The following RNFT2 variants were observed in gnomAD, a reference collection of about 807,000 sequenced individuals.
RNFT2 encodes E3 ubiquitin-protein ligase RNFT2.
In RNFT2, 36 loss-of-function variants were observed where a neutral mutation model predicts 53.0. That is an observed-to-expected ratio of 0.68 (90% CI 0.52 to 0.90). The LOEUF is 0.90. Among genes scored for constraint, RNFT2 ranks in the 40% least tolerant of loss-of-function variants. RNFT2 has a pLI of 0.00. For missense variants in RNFT2, 514 were observed against 585.6 expected (o/e 0.88, Z 1.26); for synonymous variants, 260 against 253.2 (o/e 1.03, Z -0.26).
intron 2 of RNFT2, 179 bp downstream of exon 2, chr12:116,740,700 A>G: frequency 6.0e-6 from 4 of 666,586 alleles, no homozygotes; most frequent in Admixed American, 4.3e-5. Flanking sequence ...ATCAACCCAG[A>G]ATCCATGTCT....
Position 116,833,664 on chromosome 12 carries a change from T to C in RNFT2, c.883-128T>C, listed in dbSNP as rs967722876. 1.2e-5 allele frequency: 11 copies of C among 933,718 alleles called. No individual in the cohort carries two copies. The African/African-American group carries it at 1.9e-4, about 16-fold the overall frequency. The allele number at this position is 933,718 out of a possible 1,614,324, so 57.8% of individuals were successfully genotyped here. ...CCCCATTAGGAGCTGGCCTGAGTGC[T>C]TTCCAGAGCTGATTAATGGCCTGCC... On this transcript the variant is annotated intron_variant, in intron 7 of 10. Coordinates refer to ENST00000257575, the MANE Select transcript of RNFT2 (RefSeq NM_001382266.1).
chr12:116,805,315 A>G (rs930099894), intron 7 of RNFT2, among the ~76,000 whole-genome samples: 13 of 152,046 alleles, frequency 8.6e-5, no homozygotes, highest in Admixed American at 1.3e-4. Context: ...CCTGTAACAG[A>G]CAAGGTTCGC....
chr12:116,748,673 G>T (rs1406716646), intron 3 of RNFT2: 4 of 452,368 alleles, frequency 8.8e-6, no homozygotes, highest in South Asian at 1.6e-5. Flanking sequence ...TGTGACCAAG[G>T]CTGGCCCCTC....
At chr12:116,840,030 C>G (rs538378963) in intron 10 of RNFT2, among the ~76,000 whole-genome samples, 18 of 152,212 alleles carry the variant, frequency 1.2e-4, no homozygotes, top group Admixed American at 3.9e-4. Flanking sequence ...CTACAGGGAG[C>G]CAGGGAAAGG....
chr12:116,768,738 T>TC (rs1873032905), intron 6 of RNFT2, among the ~76,000 whole-genome samples: 1 of 132,652 alleles, frequency 7.5e-6, no homozygotes. Context: ...TTCTCTCTCT[T>TC]TTTTTTTTTT....
chr12:116,832,239 C>A (rs184335399), intron 7 of RNFT2, among the ~76,000 whole-genome samples: 2 of 150,558 alleles, frequency 1.3e-5, no homozygotes. Flanking sequence ...TCACCCCAGA[C>A]GACCAGGGAT....
In RNFT2 at chr12:116,764,758, G is replaced by C. The variant is rs186396290; in HGVS notation, c.628-2056G>C. Among the ~76,000 whole-genome samples, 67 of 152,294 alleles carry C rather than the reference G, an allele frequency of 4.4e-4. No individual in the cohort carries two copies. The East Asian group carries it at 0.011, about 25-fold the overall frequency. ...AATACAAAAATTAGCTGGGCATGGT[G>C]GTGGGCGCCTGTAATCCCAGCCACT... On this transcript the variant is annotated intron_variant, in intron 5 of 10. Transcript: ENST00000257575.
chr12:116,768,095 T>A (rs746935413), intron 6 of RNFT2, among the ~76,000 whole-genome samples: 6 of 147,490 alleles, frequency 4.1e-5, no homozygotes, highest in Non-Finnish European at 7.4e-5. Flanking sequence ...TTGCACAGTT[T>A]GGCCTTTTTT....
chr12:116,763,906 T>A (rs186505593), intron 5 of RNFT2, among the ~76,000 whole-genome samples: 4 of 152,264 alleles, frequency 2.6e-5, no homozygotes, highest in Middle Eastern at 3.4e-3. Flanking sequence ...TACATACTCA[T>A]GTTTATAGCA....
intron 6 of RNFT2, among the ~76,000 whole-genome samples, chr12:116,774,303 T>C (rs552809890): frequency 6.6e-6 from 1 of 152,338 alleles, no homozygotes; most frequent in East Asian, 1.9e-4. Flanking sequence ...ACCTTTTATG[T>C]TATGTGTGTT....
intron 5 of RNFT2, among the ~76,000 whole-genome samples, chr12:116,764,587 G>C (rs572612686): frequency 6.6e-6 from 1 of 152,232 alleles, no homozygotes; most frequent in East Asian, 1.9e-4. Context: ...ACTCCTTTCT[G>C]CTGTTGTTAA....
At chr12:116,744,914 T>C (rs917888938) in intron 3 of RNFT2, among the ~76,000 whole-genome samples, 4 of 151,750 alleles carry the variant, frequency 2.6e-5, no homozygotes, top group Admixed American at 6.6e-5. Flanking sequence ...GGAGAGAGAG[T>C]GGCCTCCTCA....
intron 3 of RNFT2, 147 bp from the exon 4 acceptor site, chr12:116,749,694 G>A: frequency 1.4e-6 from 1 of 711,568 alleles, no homozygotes; most frequent in Non-Finnish European, 2.3e-6. Flanking sequence ...ACATTCTGAG[G>A]TCCTGGGAGG....
intron 7 of RNFT2, among the ~76,000 whole-genome samples, chr12:116,816,004 T>G (rs1875638169): frequency 6.6e-6 from 1 of 152,194 alleles, no homozygotes; most frequent in East Asian, 1.9e-4. Context: ...CCTAGTGTTT[T>G]GGGAAACAGC....
At position 116,852,084 on chromosome 12, in the gene RNFT2, A is replaced by T. The variant is rs986474335; in HGVS notation, c.*2636A>T. 2.8e-6 allele frequency: 3 copies of T among 1,077,708 alleles called. No individual in the cohort carries two copies. The highest frequency in any genetic ancestry group is 3.2e-5 in the African/African-American group (2 of 62,896). The allele number at this position is 1,077,708 out of a possible 1,614,324, so 66.8% of individuals were successfully genotyped here. A position where few individuals can be genotyped will look rare whatever the true frequency, so the allele number is the denominator to read the frequency against. On this transcript the variant is annotated 3_prime_UTR_variant, in exon 11 of 11. Coordinates refer to ENST00000257575, the MANE Select transcript of RNFT2 (RefSeq NM_001382266.1). ...CACCTCTGAAATGTTCCCTGCTCTG[A>T]AATCTGGCATGAGATGGCACAGGTG...
At chr12:116,808,827 C>T (rs931093101) in intron 7 of RNFT2, among the ~76,000 whole-genome samples, 1 of 152,094 alleles carries the variant, frequency 6.6e-6, no homozygotes, top group Non-Finnish European at 1.5e-5. Flanking sequence ...AATTCTTGCT[C>T]CCCGTCCTGT....
chr12:116,800,034 C>T (rs1176873209), intron 7 of RNFT2, among the ~76,000 whole-genome samples: 1 of 152,150 alleles, frequency 6.6e-6, no homozygotes, highest in African/African-American at 2.4e-5. Context: ...AAGAGCCTGG[C>T]ATCTCTTTTG....
At chr12:116,780,468 A>G (rs1480806413) in intron 7 of RNFT2, among the ~76,000 whole-genome samples, 3 of 152,086 alleles carry the variant, frequency 2.0e-5, no homozygotes, top group African/African-American at 7.2e-5. Context: ...GGCGGAGCTC[A>G]GGCGGTAATG....
chr12:116,807,885 C>T (rs1875160185), intron 7 of RNFT2, among the ~76,000 whole-genome samples: 1 of 152,162 alleles, frequency 6.6e-6, no homozygotes, highest in African/African-American at 2.4e-5. Context: ...CTCACTACAG[C>T]CTCAAACTCC....
Sources: allele counts gnomAD v4.1 joint callset (sites outside exome capture counted in the v4.1 genomes callset), GRCh38; gene constraint gnomAD v4.1.1; transcripts MANE v1.5; gene names NCBI Gene and HGNC (gene_info 2026-07-23, HGNC 2026-07-21).